The following ACER1 variants were observed in gnomAD, a reference collection of about 807,000 sequenced individuals.
ACER1 encodes the protein CTB-180A7.3.
ACER1 carries 28 observed loss-of-function variants against 24.9 expected under a neutral mutation model. That is an observed-to-expected ratio of 1.13 (90% CI 0.83 to 1.54). ACER1 has a LOEUF of 1.54. Among genes scored for constraint, ACER1 ranks in the 40% most tolerant of loss-of-function variants. ACER1 has a pLI of 0.00. For missense variants in ACER1, 352 were observed against 349.3 expected (o/e 1.01, Z -0.06); for synonymous variants, 132 against 131.4 (o/e 1.00, Z -0.03).
chr19:6,308,749 T>C (rs915230396), intron 4 of ACER1, among the ~76,000 whole-genome samples: 1 of 151,540 alleles, frequency 6.6e-6, no homozygotes, highest in Non-Finnish European at 1.5e-5. Context: ...AGTTAAATTA[T>C]AAAAAAAAAT....
At chr19:6,347,109 A>AAAAAAAAAAAATATAT in the ACER1 span, among the ~76,000 whole-genome samples, 3 of 113,778 alleles carry the variant, frequency 2.6e-5, no homozygotes, top group Admixed American at 8.8e-5. Context: ...AAAAAAAAAA[A>AAAAAAAAAAAATATAT]ATATATATAT....
chr19:6,348,434 C>T, the ACER1 span, among the ~76,000 whole-genome samples: 3,388 of 146,288 alleles, frequency 0.023, 132 homozygotes, highest in African/African-American at 0.081. Flanking sequence ...GACTGCACTC[C>T]AGCCTGGGTG....
upstream of ACER1, among the ~76,000 whole-genome samples, chr19:6,337,406 G>C (rs191283140): frequency 1.5e-4 from 23 of 150,962 alleles, no homozygotes; most frequent in African/African-American, 4.4e-4. Context: ...TGTATTCATG[G>C]TAAGCCAAAT....
chr19:6,309,578 C>T (rs1391403858), intron 4 of ACER1, 119 bp downstream of exon 4: 1 of 1,316,348 alleles, frequency 7.6e-7, no homozygotes, highest in Admixed American at 1.9e-5. Flanking sequence ...CAAATCCTGG[C>T]CCTGCTACTT....
the ACER1 span, among the ~76,000 whole-genome samples, chr19:6,341,675 G>C: frequency 7.2e-6 from 1 of 138,404 alleles, no homozygotes; most frequent in Non-Finnish European, 1.5e-5. Flanking sequence ...ACCTAGGCTG[G>C]AGTACAATGG....
the ACER1 span, among the ~76,000 whole-genome samples, chr19:6,354,812 C>T: frequency 6.8e-6 from 1 of 146,788 alleles, no homozygotes; most frequent in East Asian, 1.9e-4. Context: ...CCCTCTCCCC[C>T]CTCTCCCTTT....
At chr19:6,357,458 G>GA in the ACER1 span, among the ~76,000 whole-genome samples, 1 of 151,638 alleles carries the variant, frequency 6.6e-6, no homozygotes, top group African/African-American at 2.4e-5. Context: ...CAGCAGGGGG[G>GA]ACGGGGAACC....
intron 3 of ACER1, among the ~76,000 whole-genome samples, chr19:6,310,293 T>C (rs2091572493): frequency 6.8e-6 from 1 of 148,052 alleles, no homozygotes. Flanking sequence ...TTCACCATGT[T>C]AGCCAGGATG....
chr19:6,354,870 C>T, the ACER1 span, among the ~76,000 whole-genome samples: 2 of 152,158 alleles, frequency 1.3e-5, no homozygotes, highest in Non-Finnish European at 2.9e-5. Flanking sequence ...CCACTGATGC[C>T]GAGCCGAAGC....
the ACER1 span, among the ~76,000 whole-genome samples, chr19:6,355,891 G>A: frequency 1.3e-5 from 2 of 150,900 alleles, no homozygotes; most frequent in African/African-American, 4.9e-5. Context: ...GGTCCGGGAG[G>A]TGAGGGGCGC....
the ACER1 span, among the ~76,000 whole-genome samples, chr19:6,351,577 A>G: frequency 6.6e-6 from 1 of 151,092 alleles, no homozygotes; most frequent in East Asian, 2.0e-4. Context: ...CCAAAAAAAA[A>G]AAAGAAATTA....
chr19:6,307,305 G>A lies in ACER1; in HGVS notation c.489-15C>T, dbSNP rs747862175. 1.5e-5 allele frequency: 25 copies of A among 1,613,184 alleles called. 1 individual carries two copies. In the African/African-American group the frequency reaches 2.9e-4, roughly 19 times the overall value. On this transcript the variant is annotated splice_polypyrimidine_tract_variant and intron_variant, in intron 4 of 5. Transcript: ENST00000301452. ...TATTGCTGGTCCTAGAGAGGGGAGA[G>A]GGGGACCAGGGGCTGGCTCGGAGAG... is the stretch of plus-strand genomic sequence containing the variant.
the ACER1 span, among the ~76,000 whole-genome samples, chr19:6,355,459 C>A: frequency 6.8e-6 from 1 of 146,618 alleles, no homozygotes; most frequent in East Asian, 2.0e-4. Flanking sequence ...AGTGAGGAGA[C>A]CCTCCGCCTG....
At chr19:6,347,107 A>ATAT in the ACER1 span, among the ~76,000 whole-genome samples, 6 of 95,488 alleles carry the variant, frequency 6.3e-5, no homozygotes, top group Admixed American at 9.4e-5. Context: ...ACAAAAAAAA[A>ATAT]AAATATATAT....
chr19:6,347,224 CTT>C, the ACER1 span, among the ~76,000 whole-genome samples: 5 of 118,764 alleles, frequency 4.2e-5, no homozygotes, highest in Non-Finnish European at 6.9e-5. Flanking sequence ...TTTTCTTTTT[CTT>C]TTTTTTTTTT....
At chr19:6,347,109 A>AAAATATATATATATATATATATAT in the ACER1 span, among the ~76,000 whole-genome samples, 6 of 113,814 alleles carry the variant, frequency 5.3e-5, no homozygotes, top group African/African-American at 3.0e-4. Context: ...AAAAAAAAAA[A>AAAATATATATATATATATATATAT]ATATATATAT....
the ACER1 span, among the ~76,000 whole-genome samples, chr19:6,340,670 T>C: frequency 1.3e-5 from 2 of 152,082 alleles, no homozygotes; most frequent in Non-Finnish European, 2.9e-5. Context: ...GAGGGTTTAA[T>C]AGCAGGCAGT....
the ACER1 span, among the ~76,000 whole-genome samples, chr19:6,351,931 C>A: frequency 4.7e-4 from 70 of 150,388 alleles, 1 homozygote; most frequent in South Asian, 8.5e-3. Flanking sequence ...TGGTGGGCGC[C>A]TGTCGTCCCA....
intron 1 of ACER1, among the ~76,000 whole-genome samples, chr19:6,316,453 G>T (rs2091603475): frequency 6.6e-6 from 1 of 152,050 alleles, no homozygotes; most frequent in African/African-American, 2.4e-5. Context: ...CACACACAAA[G>T]AATGAAATGC....
Sources: allele counts gnomAD v4.1 joint callset (sites outside exome capture counted in the v4.1 genomes callset), GRCh38; gene constraint gnomAD v4.1.1; transcripts MANE v1.5; gene names NCBI Gene and HGNC (gene_info 2026-07-23, HGNC 2026-07-21).